The following TUSC3 variants were observed in gnomAD, a reference collection of about 807,000 sequenced individuals.
TUSC3 encodes the protein tumor suppressor candidate 3, also known as dolichyl-diphosphooligosaccharide--protein glycosyltransferase subunit TUSC3.
In TUSC3, 45 loss-of-function variants were observed where a neutral mutation model predicts 44.8. The ratio of observed to expected loss-of-function variants is 1.00; its 90% CI spans 0.79 to 1.29. The LOEUF is 1.29. TUSC3 is among the 50% of genes most tolerant of loss of function. The pLI is 0.00. For synonymous variants in TUSC3, 212 were observed against 152.9 expected, an observed-to-expected ratio of 1.39 and a Z score of -2.85; for missense variants, 519 against 437.9, an observed-to-expected ratio of 1.19 and a Z score of -1.65.
chr8:15,678,912 G>T (rs951102758), intron 6 of TUSC3, among the ~76,000 whole-genome samples: 6 of 152,124 alleles, frequency 3.9e-5, no homozygotes, highest in Non-Finnish European at 5.9e-5. Flanking sequence ...TGCACCTCTA[G>T]CTGCATTCAT....
chr8:15,703,903 A>G (rs533431106), intron 6 of TUSC3, among the ~76,000 whole-genome samples: 3 of 152,220 alleles, frequency 2.0e-5, no homozygotes, highest in Admixed American at 6.6e-5. Context: ...TCGCTCAGCA[A>G]AAGTTTACAG....
chr8:15,589,842 G>C lies in TUSC3; in HGVS notation c.139-33238G>C, dbSNP rs150912361. Among the ~76,000 whole-genome samples the C allele has an allele frequency of 9.2e-4, 140 of 152,256 alleles. 2 individuals are homozygous for C. Among genetic ancestry groups the C allele is most frequent in the African/African-American group, 3.3e-3 (136 of 41,542 alleles). On this transcript the variant is annotated intron_variant, in intron 1 of 10. Transcript: ENST00000503731. The stretch of plus-strand genomic sequence containing the variant: ...TGAGCCAAGCCATGAACAAAATTCT[G>C]ATTCTAGAACTTCTTTTGGAAAAGT...
At chr8:15,831,531 A>G in the TUSC3 span, among the ~76,000 whole-genome samples, 1 of 151,034 alleles carries the variant, frequency 6.6e-6, no homozygotes, top group South Asian at 2.1e-4. Context: ...ATTGAAACTC[A>G]ATCTAGAAAG....
rs140688212 is a variant in TUSC3 at position 15,655,386 on chromosome 8, C to A, written c.427-4121C>A. On this transcript the variant is annotated intron_variant, in intron 3 of 10. Coordinates refer to ENST00000503731, the MANE Select transcript of TUSC3 (RefSeq NM_006765.4). Reference sequence around the variant, plus strand: ...CCTCAAATGAGCATGTGCACAACTTCAGTAAACACACTGTGCATACGGCCC... The same window carrying A: ...CCTCAAATGAGCATGTGCACAACTTAAGTAAACACACTGTGCATACGGCCC... Among the ~76,000 whole-genome samples, 463 of 152,340 alleles carry A rather than the reference C, an allele frequency of 3.0e-3. 3 individuals carry two copies. Among genetic ancestry groups the A allele is most frequent in the African/African-American group, 9.9e-3 (411 of 41,578 alleles).
intron 1 of TUSC3, among the ~76,000 whole-genome samples, chr8:15,588,696 A>G (rs1448017854): frequency 1.3e-5 from 2 of 152,142 alleles, no homozygotes; most frequent in Non-Finnish European, 2.9e-5. Context: ...TGGGTCTTAC[A>G]CTTAAGTCAT....
At chr8:15,750,285 C>T (rs79437566) in intron 9 of TUSC3, among the ~76,000 whole-genome samples, 1,566 of 152,092 alleles carry the variant, frequency 0.01, 23 homozygotes, top group African/African-American at 0.036. Flanking sequence ...AGCTGAGATT[C>T]TTAAGCCCTA....
At chr8:15,418,604 A>G (rs1397056613) in intron 1 of TUSC3, among the ~76,000 whole-genome samples, 1 of 152,236 alleles carries the variant, frequency 6.6e-6, no homozygotes, top group Non-Finnish European at 1.5e-5. Flanking sequence ...ACAAGGAGGA[A>G]GAATGTGAAA....
intron 2 of TUSC3, among the ~76,000 whole-genome samples, chr8:15,508,316 G>T (rs560821264): frequency 1.3e-5 from 2 of 151,960 alleles, no homozygotes; most frequent in Non-Finnish European, 1.5e-5. Context: ...AAATTTTGTT[G>T]GATGTGATAT....
intron 6 of TUSC3, among the ~76,000 whole-genome samples, chr8:15,725,164 A>G (rs1007337667): frequency 2.0e-5 from 3 of 152,198 alleles, no homozygotes; most frequent in Non-Finnish European, 4.4e-5. Flanking sequence ...AGTAAGGATT[A>G]TATGCCAAAG....
At chr8:15,779,046 G>A in the TUSC3 span, among the ~76,000 whole-genome samples, 2 of 150,410 alleles carry the variant, frequency 1.3e-5, no homozygotes, top group East Asian at 2.0e-4. Flanking sequence ...TTTCAGTTAC[G>A]TTCACATACA....
intron 5 of TUSC3, among the ~76,000 whole-genome samples, chr8:15,667,960 GAGCCAATGGTGTTCTC>G (rs1284847268): frequency 6.6e-6 from 1 of 151,636 alleles, no homozygotes; most frequent in Non-Finnish European, 1.5e-5. Context: ...AGGATGCCTT[GAGCCAATGGTGTTCTC>G]AGCTCACCAC....
At chr8:15,832,512 C>T in the TUSC3 span, among the ~76,000 whole-genome samples, 1 of 152,260 alleles carries the variant, frequency 6.6e-6, no homozygotes, top group Non-Finnish European at 1.5e-5. Context: ...AACTATGACC[C>T]ATTGGCATGC....
chr8:15,795,824 T>C, the TUSC3 span, among the ~76,000 whole-genome samples: 1 of 152,176 alleles, frequency 6.6e-6, no homozygotes, highest in African/African-American at 2.4e-5. Flanking sequence ...TCAATCCTTA[T>C]TTTGGAGGGA....
At chr8:15,618,388 C>T (rs1563136752) in intron 1 of TUSC3, among the ~76,000 whole-genome samples, 1 of 152,016 alleles carries the variant, frequency 6.6e-6, no homozygotes, top group Non-Finnish European at 1.5e-5. Flanking sequence ...TTCTTTATAT[C>T]CTTATTCTGT....
chr8:15,585,151 C>T (rs1803542595), intron 1 of TUSC3, among the ~76,000 whole-genome samples: 2 of 152,078 alleles, frequency 1.3e-5, no homozygotes, highest in Admixed American at 6.5e-5. Context: ...GTAAAAAATT[C>T]ATCAGTTGCC....
chr8:15,586,484 A>G (rs1230048102), intron 1 of TUSC3, among the ~76,000 whole-genome samples: 1 of 152,126 alleles, frequency 6.6e-6, no homozygotes, highest in East Asian at 1.9e-4. Flanking sequence ...GGGCTAAATG[A>G]TTGATCAAGG....
At chr8:15,571,490 C>T (rs1383104902) in intron 1 of TUSC3, among the ~76,000 whole-genome samples, 1 of 152,116 alleles carries the variant, frequency 6.6e-6, no homozygotes, top group African/African-American at 2.4e-5. Flanking sequence ...TTTAAAAATG[C>T]TATATTGCTT....
At chr8:15,768,588 TA>T (rs1812390215), downstream of TUSC3, among the ~76,000 whole-genome samples, 1 of 152,068 alleles carries the variant, frequency 6.6e-6, no homozygotes, top group Admixed American at 6.6e-5. Context: ...GATTTATCAT[TA>T]AATAAAGAAT....
intron 2 of TUSC3, among the ~76,000 whole-genome samples, chr8:15,649,272 GT>G (rs1190460854): frequency 6.6e-6 from 1 of 152,066 alleles, no homozygotes; most frequent in African/African-American, 2.4e-5. Flanking sequence ...GGGTGCAGAA[GT>G]TTGGTCTACT....
Sources: allele counts gnomAD v4.1 joint callset (sites outside exome capture counted in the v4.1 genomes callset), GRCh38; gene constraint gnomAD v4.1.1; transcripts MANE v1.5; gene names NCBI Gene and HGNC (gene_info 2026-07-23, HGNC 2026-07-21).